The following FAM117B variants were observed in gnomAD, a reference collection of about 807,000 sequenced individuals.
The protein encoded by FAM117B is family with sequence similarity 117 member B.
In FAM117B, 22 loss-of-function variants were observed where a neutral mutation model predicts 52.8. That is an observed-to-expected ratio of 0.42 (90% CI 0.30 to 0.59). The LOEUF (loss-of-function observed/expected upper bound fraction) is 0.59, where lower values mean the gene tolerates loss of function less well. Ranked by LOEUF, FAM117B falls within the 20% of genes least tolerant of loss-of-function variation. The pLI, the probability that FAM117B is intolerant of heterozygous loss-of-function variation, is 0.22. For synonymous variants in FAM117B, 309 were observed against 324.1 expected (o/e 0.95, Z 0.50); for missense variants, 678 against 802.6 (o/e 0.84, Z 1.88).
chr2:202,753,964 A>T (rs901749209), intron 4 of FAM117B, among the ~76,000 whole-genome samples: 1 of 152,198 alleles, frequency 6.6e-6, no homozygotes, highest in African/African-American at 2.4e-5. Context: ...GGAAGACAGT[A>T]TGGCAATTCC....
At chr2:202,704,869 G>T (rs1209086923) in intron 2 of FAM117B, among the ~76,000 whole-genome samples, 4 of 151,860 alleles carry the variant, frequency 2.6e-5, no homozygotes, top group Admixed American at 1.3e-4. Context: ...CCAAAGTGCT[G>T]GTGTATTGCA....
At chr2:202,716,797 A>G (rs1691064295) in intron 2 of FAM117B, among the ~76,000 whole-genome samples, 3 of 152,116 alleles carry the variant, frequency 2.0e-5, no homozygotes, top group South Asian at 4.1e-4. Flanking sequence ...CAGTTCTACT[A>G]CTAAAAGACT....
At chr2:202,722,717 T>C (rs1316036290) in intron 2 of FAM117B, among the ~76,000 whole-genome samples, 2 of 152,030 alleles carry the variant, frequency 1.3e-5, no homozygotes, top group Admixed American at 1.3e-4. Context: ...AAATAGCTAA[T>C]GAGTACTAGG....
intron 2 of FAM117B, among the ~76,000 whole-genome samples, chr2:202,708,181 C>G (rs555374660): frequency 5.9e-5 from 9 of 152,300 alleles, no homozygotes; most frequent in African/African-American, 2.2e-4. Flanking sequence ...CTAGAACTTA[C>G]TCATTTTGCT....
intron 7 of FAM117B, among the ~76,000 whole-genome samples, chr2:202,759,860 C>T (rs578157316): frequency 1.3e-4 from 19 of 151,924 alleles, no homozygotes; most frequent in African/African-American, 4.6e-4. Context: ...CCTGGCCTAG[C>T]CTGGCTAATA....
At position 202,650,434 on chromosome 2, in the gene FAM117B, A is replaced by G. The variant is rs373337494; in HGVS notation, c.601+14646A>G. Among the ~76,000 whole-genome samples the G allele has an allele frequency of 2.6e-5, 4 of 152,324 alleles. No homozygotes were observed. The East Asian group carries it at 5.8e-4, about 22-fold the overall frequency. Reference sequence around the variant, plus strand: ...AAAATTTTTAACCTTTAAAAGTAATAAAAATATGGAAAATTTGGACGATAA... The same window carrying G: ...AAAATTTTTAACCTTTAAAAGTAATGAAAATATGGAAAATTTGGACGATAA... On this transcript the variant is annotated intron_variant, in intron 1 of 7. Transcript: ENST00000392238.
At chr2:202,757,703 C>T (rs906054105) in intron 6 of FAM117B, among the ~76,000 whole-genome samples, 1 of 152,156 alleles carries the variant, frequency 6.6e-6, no homozygotes, top group Non-Finnish European at 1.5e-5. Flanking sequence ...GAGAAACATT[C>T]TTTTTGGAAT....
intron 1 of FAM117B, among the ~76,000 whole-genome samples, chr2:202,675,141 G>A (rs900116806): frequency 6.6e-6 from 1 of 151,950 alleles, no homozygotes; most frequent in Admixed American, 6.6e-5. Context: ...AGGCTGAGGT[G>A]GGAGGATTGC....
intron 4 of FAM117B, among the ~76,000 whole-genome samples, chr2:202,747,948 A>C (rs1307607230): frequency 6.6e-6 from 1 of 152,222 alleles, no homozygotes. Context: ...CATTCTTCAC[A>C]GAAATAGAAG....
At chr2:202,651,878 A>G (rs1329295997) in intron 1 of FAM117B, among the ~76,000 whole-genome samples, 2 of 150,900 alleles carry the variant, frequency 1.3e-5, no homozygotes, top group Non-Finnish European at 3.0e-5. Flanking sequence ...CCATGGAGAA[A>G]CCCTGTCTCT....
intron 1 of FAM117B, among the ~76,000 whole-genome samples, chr2:202,653,638 C>T (rs1189738983): frequency 6.6e-6 from 1 of 152,168 alleles, no homozygotes; most frequent in Non-Finnish European, 1.5e-5. Context: ...GTCTTTTAAT[C>T]AATTTCCCTG....
At chr2:202,748,840 C>CT (rs1277763932) in intron 4 of FAM117B, among the ~76,000 whole-genome samples, 1 of 151,982 alleles carries the variant, frequency 6.6e-6, no homozygotes, top group Non-Finnish European at 1.5e-5. Context: ...GGATACCCTG[C>CT]GCTCACATGT....
intron 1 of FAM117B, among the ~76,000 whole-genome samples, chr2:202,677,053 G>T (rs1227946139): frequency 1.3e-5 from 2 of 151,168 alleles, no homozygotes; most frequent in Non-Finnish European, 2.9e-5. Context: ...AAACCAAAGA[G>T]GTTTCTTTTC....
intron 1 of FAM117B, among the ~76,000 whole-genome samples, chr2:202,651,060 C>CTTT (rs138809054): frequency 8.1e-6 from 1 of 124,216 alleles, no homozygotes; most frequent in Non-Finnish European, 1.7e-5. Flanking sequence ...ATTTGCCATT[C>CTTT]TTTTTTTTTT....
At chr2:202,722,572 C>G (rs1462807375) in intron 2 of FAM117B, among the ~76,000 whole-genome samples, 1 of 152,032 alleles carries the variant, frequency 6.6e-6, no homozygotes, top group Non-Finnish European at 1.5e-5. Context: ...AACACAGGAA[C>G]AGAAAACCAA....
rs1035411415 is a variant in FAM117B at position 202,733,042 on chromosome 2, TAAAG to T, written c.960+6681_960+6684del. Among the ~76,000 whole-genome samples the T allele has an allele frequency of 3.1e-4, 47 of 151,894 alleles. 1 individual carries two copies. Among genetic ancestry groups the T allele is most frequent in the East Asian group, 2.1e-3 (11 of 5,154 alleles). On this transcript the variant is annotated intron_variant, in intron 4 of 7. Transcript: ENST00000392238. ...CCTAAGTGTCGGCTAGTCTGAGAAA[TAAAG>T]AGAAAGAGTACAAAGAGAGGAATTT...
intron 1 of FAM117B, among the ~76,000 whole-genome samples, chr2:202,642,745 T>C (rs1171498128): frequency 6.6e-6 from 1 of 152,194 alleles, no homozygotes; most frequent in Non-Finnish European, 1.5e-5. Context: ...TCATTTAACA[T>C]GTACATCATG....
intron 2 of FAM117B, among the ~76,000 whole-genome samples, chr2:202,699,449 G>GAAAAAA (rs59522030): frequency 5.0e-5 from 5 of 100,026 alleles, no homozygotes; most frequent in Non-Finnish European, 9.6e-5. Flanking sequence ...AAAAAAAAAA[G>GAAAAAA]AAAAAAAAAA....
At position 202,769,574 on chromosome 2, in the gene FAM117B, G is replaced by A. The variant is rs1692039687; in HGVS notation, c.*3810G>A. ...CATTTTTTGTCTCTGTGGAAGCTGTGTAACTCTTTTTAAAATGCAATTTAA... is the reference window on the plus strand; with the variant it reads ...CATTTTTTGTCTCTGTGGAAGCTGTATAACTCTTTTTAAAATGCAATTTAA... On this transcript the variant is annotated 3_prime_UTR_variant, in exon 8 of 8. Transcript: ENST00000392238. 1 of 152,404 alleles carries A rather than the reference G, an allele frequency of 6.6e-6. No individual in the cohort carries two copies. Among genetic ancestry groups the A allele is most frequent in the Non-Finnish European group, 1.5e-5 (1 of 67,984 alleles). 9.4% of individuals were successfully genotyped at this position (152,404 alleles called of 1,614,324 possible). A position where few individuals can be genotyped will look rare whatever the true frequency, so the allele number is the denominator to read the frequency against.
Sources: gnomAD v4.1 joint callset for allele counts (sites outside exome capture counted in the v4.1 genomes callset) on GRCh38, gnomAD v4.1.1 for gene constraint, MANE v1.5 for transcripts, NCBI Gene and HGNC (gene_info 2026-07-23, HGNC 2026-07-21) for gene names.